The following SEMA3D variants were observed in gnomAD, a reference collection of about 807,000 sequenced individuals.
The protein encoded by SEMA3D is semaphorin-3D.
SEMA3D carries 84 observed loss-of-function variants against 100.1 expected under a neutral mutation model. The ratio of observed to expected loss-of-function variants is 0.84; its 90% confidence interval spans 0.70 to 1.01. The LOEUF is 1.01. Among genes scored for constraint, SEMA3D ranks in the 50% least tolerant of loss-of-function variants. SEMA3D has a pLI of 0.00. For missense variants in SEMA3D, 875 were observed against 934.1 expected, an observed-to-expected ratio of 0.94 and a Z score of 0.82; for synonymous variants, 312 against 320.7, an observed-to-expected ratio of 0.97 and a Z score of 0.29.
At chr7:85,196,278 C>A in the SEMA3D span, among the ~76,000 whole-genome samples, 4 of 151,894 alleles carry the variant, frequency 2.6e-5, no homozygotes, top group Non-Finnish European at 5.9e-5. Flanking sequence ...CTACCTCACA[C>A]CCAAACAAAA....
intron 11 of SEMA3D, 85 bp downstream of exon 11, chr7:85,040,588 G>A (rs1360523538): frequency 4.2e-6 from 3 of 721,922 alleles, no homozygotes; most frequent in African/African-American, 3.7e-5. Flanking sequence ...TACTACAAAC[G>A]CAGGGACAAA....
At chr7:85,077,030 C>T (rs1276165669) in intron 5 of SEMA3D, among the ~76,000 whole-genome samples, 1 of 149,850 alleles carries the variant, frequency 6.7e-6, no homozygotes, top group Non-Finnish European at 1.5e-5. Flanking sequence ...CGCTTGAACC[C>T]GGGCAGCAGA....
chr7:85,086,416 C>G (rs745631285), intron 4 of SEMA3D, among the ~76,000 whole-genome samples: 1 of 151,256 alleles, frequency 6.6e-6, no homozygotes, highest in Non-Finnish European at 1.5e-5. Context: ...TCTAAAAACA[C>G]GAAAAACAAG....
At chr7:85,102,825 G>T (rs1029605310) in intron 3 of SEMA3D, among the ~76,000 whole-genome samples, 2 of 151,832 alleles carry the variant, frequency 1.3e-5, no homozygotes, top group East Asian at 3.9e-4. Flanking sequence ...ATATAAAGTT[G>T]ATATAGCCAC....
At chr7:85,197,460 C>G in the SEMA3D span, among the ~76,000 whole-genome samples, 1 of 151,760 alleles carries the variant, frequency 6.6e-6, no homozygotes, top group African/African-American at 2.4e-5. Context: ...GCCTGGAAAC[C>G]CCCACCACCC....
chr7:85,030,850 C>G (rs1036357223), intron 12 of SEMA3D, among the ~76,000 whole-genome samples: 1 of 151,994 alleles, frequency 6.6e-6, no homozygotes, highest in Non-Finnish European at 1.5e-5. Context: ...GTTTCTATAT[C>G]TGACCTGTAT....
the SEMA3D span, among the ~76,000 whole-genome samples, chr7:85,192,794 A>C: frequency 6.6e-6 from 1 of 152,158 alleles, no homozygotes; most frequent in Non-Finnish European, 1.5e-5. Flanking sequence ...AACAAATTGT[A>C]TTCTTTTTCT....
At chr7:85,225,000 A>G in the SEMA3D span, among the ~76,000 whole-genome samples, 1 of 143,286 alleles carries the variant, frequency 7.0e-6, no homozygotes, top group South Asian at 2.2e-4. Context: ...TTTTCAAACC[A>G]TACAATCTGT....
chr7:85,137,295 T>C (rs769671607), intron 2 of SEMA3D, among the ~76,000 whole-genome samples: 71 of 151,902 alleles, frequency 4.7e-4, no homozygotes, highest in Non-Finnish European at 8.7e-4. Context: ...ATATATGACA[T>C]AGATATGACA....
chr7:85,060,666 C>T (rs1370248138), intron 8 of SEMA3D, among the ~76,000 whole-genome samples: 1 of 152,132 alleles, frequency 6.6e-6, no homozygotes, highest in Non-Finnish European at 1.5e-5. Flanking sequence ...ACTTCCCTTT[C>T]TCCCTATGAA....
intron 8 of SEMA3D, among the ~76,000 whole-genome samples, chr7:85,061,466 A>T (rs996340518): frequency 2.0e-5 from 3 of 152,156 alleles, no homozygotes; most frequent in African/African-American, 7.2e-5. Flanking sequence ...TTTATAAAAG[A>T]TTCATGTAGC....
At chr7:85,148,574 G>A (rs571398302) in intron 2 of SEMA3D, among the ~76,000 whole-genome samples, 4 of 152,176 alleles carry the variant, frequency 2.6e-5, no homozygotes, top group African/African-American at 4.8e-5. Context: ...GAGATAAAAC[G>A]AAAAATTAGT....
intron 10 of SEMA3D, 107 bp downstream of exon 10, chr7:85,042,064 T>A (rs966719654): frequency 2.5e-6 from 2 of 810,330 alleles, no homozygotes; most frequent in African/African-American, 3.4e-5. Flanking sequence ...CTGTAAGGTT[T>A]GCTCAGGTAA....
At chr7:85,089,502 A>T (rs1788317657) in intron 4 of SEMA3D, among the ~76,000 whole-genome samples, 1 of 152,178 alleles carries the variant, frequency 6.6e-6, no homozygotes, top group South Asian at 2.1e-4. Flanking sequence ...AGACACTATG[A>T]GCATGAATGT....
intron 5 of SEMA3D, among the ~76,000 whole-genome samples, chr7:85,078,271 T>C (rs1460415188): frequency 2.7e-5 from 4 of 150,436 alleles, no homozygotes; most frequent in African/African-American, 4.9e-5. Flanking sequence ...TTAGACTTTC[T>C]TGAGAGAAAA....
the SEMA3D span, among the ~76,000 whole-genome samples, chr7:85,225,088 ATATATATATATATATATAC>A: frequency 5.9e-5 from 1 of 16,860 alleles, no homozygotes; most frequent in African/African-American, 3.5e-4. Flanking sequence ...ATATATATAT[ATATATATATATATATATAC>A]ATACATATAT....
At chr7:85,111,214 A>G (rs1789083629) in intron 3 of SEMA3D, among the ~76,000 whole-genome samples, 1 of 152,004 alleles carries the variant, frequency 6.6e-6, no homozygotes, top group Non-Finnish European at 1.5e-5. Context: ...ACAGTCTTGT[A>G]GATTTAAAAA....
chr7:85,162,825 G>T (rs562963588), intron 1 of SEMA3D, among the ~76,000 whole-genome samples: 13 of 152,126 alleles, frequency 8.5e-5, no homozygotes, highest in Non-Finnish European at 1.6e-4. Context: ...AGAACAGAAG[G>T]TTCCAGTAGC....
chr7:85,016,585 C>G (rs990761039), intron 15 of SEMA3D, among the ~76,000 whole-genome samples: 1 of 151,632 alleles, frequency 6.6e-6, no homozygotes, highest in African/African-American at 2.4e-5. Context: ...GTCCTTATCA[C>G]TTCTTTCCTG....
Sources: gnomAD v4.1 joint callset for allele counts (sites outside exome capture counted in the v4.1 genomes callset) on GRCh38, gnomAD v4.1.1 for gene constraint, MANE v1.5 for transcripts, NCBI Gene and HGNC (gene_info 2026-07-23, HGNC 2026-07-21) for gene names.